TAB2: variants seen among roughly 807,000 people sequenced by gnomAD.
The protein encoded by TAB2 is TGF-beta-activated kinase 1 and MAP3K7-binding protein 2.
In TAB2, 3 loss-of-function variants were observed where a neutral mutation model predicts 65.0. That is an observed-to-expected ratio of 0.05 (90% CI 0.02 to 0.12). The LOEUF (loss-of-function observed/expected upper bound fraction) is 0.12, where lower values mean the gene tolerates loss of function less well. Among genes scored for constraint, TAB2 ranks in the 10% least tolerant of loss-of-function variants. The pLI is 1.00. For missense variants in TAB2, 623 were observed against 840.3 expected (o/e 0.74, Z 3.20); for synonymous variants, 298 against 285.1 (o/e 1.05, Z -0.46).
At chr6:149,400,326 A>G (rs1340639050) in intron 6 of TAB2, 1 of 1,542,138 alleles carries the variant, frequency 6.5e-7, no homozygotes, top group Non-Finnish European at 8.8e-7. Context: ...CTGCTCGTGT[A>G]CTCGTTAGGT....
intron 1 of TAB2, among the ~76,000 whole-genome samples, chr6:149,367,927 A>G (rs1781092442): frequency 6.6e-6 from 1 of 152,144 alleles, no homozygotes; most frequent in Admixed American, 6.5e-5. Flanking sequence ...ACACAAAAGG[A>G]GATGTCAGTT....
At chr6:149,334,462 T>C (rs522646) in intron 1 of TAB2, among the ~76,000 whole-genome samples, 18,603 of 152,128 alleles carry the variant, frequency 0.12, 1,735 homozygotes, top group East Asian at 0.51. Context: ...AGAGGATTGC[T>C]GAAGCCAGGA....
chr6:149,296,787 T>A (rs943109280), intron 1 of TAB2, among the ~76,000 whole-genome samples: 1 of 152,216 alleles, frequency 6.6e-6, no homozygotes, highest in Non-Finnish European at 1.5e-5. Flanking sequence ...AGCTGAAATC[T>A]TCAGAGGTTA....
At chr6:149,272,844 A>T (rs949536468) in intron 1 of TAB2, among the ~76,000 whole-genome samples, 1 of 152,180 alleles carries the variant, frequency 6.6e-6, no homozygotes, top group Admixed American at 6.5e-5. Flanking sequence ...ATCTGAAAAC[A>T]TTTTAGATTG....
chr6:149,368,214 T>G (rs969414136), intron 1 of TAB2, among the ~76,000 whole-genome samples: 31 of 151,948 alleles, frequency 2.0e-4, no homozygotes, highest in African/African-American at 7.0e-4. Context: ...AGAAGCCACA[T>G]GAAGAAATTG....
intron 6 of TAB2, chr6:149,400,609 C>T: frequency 6.2e-7 from 1 of 1,614,174 alleles, no homozygotes. Context: ...ACAGACAAAC[C>T]TGCACAGTTG....
chr6:149,318,990 C>CTG (rs1779350764), intron 1 of TAB2, among the ~76,000 whole-genome samples: 1 of 152,190 alleles, frequency 6.6e-6, no homozygotes, highest in African/African-American at 2.4e-5. Flanking sequence ...CCAGTGCAGG[C>CTG]TGTTGAGTAC....
chr6:149,282,573 A>G (rs1392565460), intron 1 of TAB2, among the ~76,000 whole-genome samples: 4 of 152,234 alleles, frequency 2.6e-5, no homozygotes, highest in African/African-American at 4.8e-5. Context: ...AAAATTTTAA[A>G]GAATTCGAAT....
At chr6:149,270,481 T>C (rs1223264479) in intron 1 of TAB2, among the ~76,000 whole-genome samples, 1 of 152,174 alleles carries the variant, frequency 6.6e-6, no homozygotes, top group Non-Finnish European at 1.5e-5. Context: ...ATTGAATACT[T>C]CAAAACCGCT....
chr6:149,373,922 C>T (rs1781313237), intron 2 of TAB2, among the ~76,000 whole-genome samples: 1 of 152,136 alleles, frequency 6.6e-6, no homozygotes, highest in Non-Finnish European at 1.5e-5. Flanking sequence ...CTTTGAAAAA[C>T]TACTGGATTC....
chr6:149,324,560 G>A (rs1373372968), intron 1 of TAB2, among the ~76,000 whole-genome samples: 1 of 152,064 alleles, frequency 6.6e-6, no homozygotes, highest in African/African-American at 2.4e-5. Flanking sequence ...AGTGAAGCAG[G>A]CCAGAGATAT....
chr6:149,397,485 T>A (rs1782212475), intron 3 of TAB2, 119 bp from the exon 4 acceptor site: 2 of 1,139,238 alleles, frequency 1.8e-6, no homozygotes. Flanking sequence ...AAACTTACAA[T>A]ATTTTGTTTT....
At position 149,323,969 on chromosome 6, in the gene TAB2, A is replaced by G. The variant is rs549120521; in HGVS notation, c.-90+5954A>G. Reference sequence around the variant, plus strand: ...AATAACTGTCTACTACAGGACAGAAATAATTCCTACAAGGTGTCAGTTTGA... The same window carrying G: ...AATAACTGTCTACTACAGGACAGAAGTAATTCCTACAAGGTGTCAGTTTGA... On this transcript the variant is annotated intron_variant, in intron 1 of 6. Coordinates refer to ENST00000637181, the MANE Select transcript of TAB2 (RefSeq NM_001292034.3). Among the ~76,000 whole-genome samples the G allele has an allele frequency of 6.3e-4, 96 of 152,318 alleles. 2 individuals are homozygous for G. The South Asian group carries it at 0.019, about 30-fold the overall frequency.
At chr6:149,310,109 G>A (rs576141165) in intron 1 of TAB2, among the ~76,000 whole-genome samples, 2 of 152,176 alleles carry the variant, frequency 1.3e-5, no homozygotes, top group South Asian at 2.1e-4. Flanking sequence ...GAGATGGGCC[G>A]ACTGCTTGAG....
chr6:149,384,247 A>G (rs1393245459), intron 3 of TAB2, among the ~76,000 whole-genome samples: 2 of 152,228 alleles, frequency 1.3e-5, no homozygotes, highest in Admixed American at 6.5e-5. Context: ...TGGTAACCAA[A>G]ATGCATTTTT....
chr6:149,397,621 A>G lies in TAB2; in HGVS notation c.1621A>G (p.Lys541Glu). ...TGTTGCAGCTCTTTTGGTACACCAG[A>G]AGGCCAGAATGGAACGACTTCAAAG... ...AYTQALLVHQ[K>E]ARMERLQREL... Residue 541 changes from lysine to glutamate, a missense_variant, in exon 4 of 7, where the codon AAG (lysine) becomes GAG (glutamate). Around this residue, in one of 3 missense-constraint regions of TAB2, gnomAD observed 550 missense variants for 665.7 expected, o/e 0.83. Coordinates refer to ENST00000637181, the MANE Select transcript of TAB2 (RefSeq NM_001292034.3). 1 of 1,614,124 alleles carries G rather than the reference A, an allele frequency of 6.2e-7. No individual in the cohort carries two copies. The highest frequency in any genetic ancestry group is 8.5e-7 in the Non-Finnish European group (1 of 1,179,988).
intron 1 of TAB2, among the ~76,000 whole-genome samples, chr6:149,307,890 T>C (rs1365242108): frequency 1.3e-5 from 2 of 152,234 alleles, no homozygotes; most frequent in Non-Finnish European, 2.9e-5. Flanking sequence ...TGTTATGTTT[T>C]AGAATCTATC....
chr6:149,271,031 C>T (rs150507727), intron 1 of TAB2, among the ~76,000 whole-genome samples: 12 of 149,322 alleles, frequency 8.0e-5, no homozygotes, highest in Non-Finnish European at 1.5e-5. Flanking sequence ...TATCTCTCTG[C>T]ACCTTATTCT....
chr6:149,376,800 A>T (rs1781411993), intron 2 of TAB2, among the ~76,000 whole-genome samples: 2 of 152,050 alleles, frequency 1.3e-5, no homozygotes, highest in Non-Finnish European at 1.5e-5. Context: ...TGCATATAGT[A>T]TGTGTTTGGC....
Sources: gnomAD v4.1 joint callset for allele counts (sites outside exome capture counted in the v4.1 genomes callset) on GRCh38, gnomAD v4.1.1 for gene constraint, gnomAD v4.1.1 regional missense constraint, MANE v1.5 for transcripts, NCBI Gene and HGNC (gene_info 2026-07-23, HGNC 2026-07-21) for gene names.